RHOU: variants seen among roughly 807,000 people sequenced by gnomAD.
The protein encoded by RHOU is rho-related GTP-binding protein RhoU.
In RHOU, 8 loss-of-function variants were observed where a neutral mutation model predicts 12.6. That is an observed-to-expected ratio of 0.64 (90% CI 0.37 to 1.15). The LOEUF (loss-of-function observed/expected upper bound fraction) is 1.15, where lower values mean the gene tolerates loss of function less well. Ranked by LOEUF, RHOU falls within the 50% of genes most tolerant of loss-of-function variation. RHOU has a pLI of 0.01. For synonymous variants in RHOU, 161 were observed against 147.4 expected (o/e 1.09, Z -0.67); for missense variants, 258 against 347.0 (o/e 0.74, Z 2.04).
chr1:228,707,220 T>TATATATACATATATATATAC, the RHOU span, among the ~76,000 whole-genome samples: 218 of 105,560 alleles, frequency 2.1e-3, 6 homozygotes, highest in African/African-American at 0.01. Context: ...TATATATACA[T>TATATATACATATATATATAC]ATATATATAC....
At chr1:228,739,676 C>T (rs147735194) in intron 2 of RHOU, among the ~76,000 whole-genome samples, 1 of 152,340 alleles carries the variant, frequency 6.6e-6, no homozygotes, top group Non-Finnish European at 1.5e-5. Context: ...AGTCCAAAGG[C>T]ACAGTTAGCA....
At chr1:228,695,487 C>A in the RHOU span, among the ~76,000 whole-genome samples, 1 of 152,158 alleles carries the variant, frequency 6.6e-6, no homozygotes, top group Admixed American at 6.5e-5. Context: ...CTCAGTCACA[C>A]AAGACTGCCC....
the RHOU span, among the ~76,000 whole-genome samples, chr1:228,671,239 A>G: frequency 6.6e-6 from 1 of 152,110 alleles, no homozygotes; most frequent in Admixed American, 6.5e-5. Context: ...TCCTGACCTC[A>G]GGTGATCCAC....
the RHOU span, among the ~76,000 whole-genome samples, chr1:228,678,779 G>A: frequency 6.6e-6 from 1 of 152,034 alleles, no homozygotes; most frequent in Admixed American, 6.6e-5. Flanking sequence ...TCAGGTGTGA[G>A]GAAGAAAATA....
chr1:228,696,232 T>TA, the RHOU span, among the ~76,000 whole-genome samples: 147 of 142,868 alleles, frequency 1.0e-3, no homozygotes, highest in Admixed American at 1.3e-3. Context: ...GGTATACAAT[T>TA]AAAAAAAAAA....
chr1:228,646,743 C>G, the RHOU span, among the ~76,000 whole-genome samples: 3 of 151,992 alleles, frequency 2.0e-5, no homozygotes, highest in Admixed American at 6.6e-5. Flanking sequence ...CCCCCACACA[C>G]AGACACACCC....
chr1:228,649,399 C>G, the RHOU span, among the ~76,000 whole-genome samples: 1 of 152,138 alleles, frequency 6.6e-6, no homozygotes, highest in African/African-American at 2.4e-5. Context: ...GATAACTGGT[C>G]TAAGAAACAA....
chr1:228,668,522 C>T, the RHOU span, among the ~76,000 whole-genome samples: 97 of 152,156 alleles, frequency 6.4e-4, no homozygotes, highest in African/African-American at 2.0e-3. Flanking sequence ...TAGCTGGTGT[C>T]GGAGAAATGG....
At chr1:228,659,314 G>C in the RHOU span, among the ~76,000 whole-genome samples, 3 of 150,974 alleles carry the variant, frequency 2.0e-5, no homozygotes, top group Non-Finnish European at 4.4e-5. Context: ...GGAGGCAGAG[G>C]TTGCAGTGAG....
At chr1:228,688,339 C>T in the RHOU span, among the ~76,000 whole-genome samples, 4 of 152,154 alleles carry the variant, frequency 2.6e-5, no homozygotes, top group African/African-American at 7.2e-5. Context: ...AGGTTTCCCC[C>T]GAATCCTTCC....
chr1:228,681,345 T>C, the RHOU span, among the ~76,000 whole-genome samples: 2 of 151,588 alleles, frequency 1.3e-5, no homozygotes, highest in African/African-American at 4.9e-5. Flanking sequence ...TGAAGAAGAG[T>C]TGGAGCCTGA....
the RHOU span, among the ~76,000 whole-genome samples, chr1:228,672,444 C>T: frequency 1.8e-4 from 27 of 152,046 alleles, no homozygotes; most frequent in East Asian, 1.9e-4. Flanking sequence ...ATTACAGGCA[C>T]GAGCCACTGT....
At chr1:228,663,567 A>G in the RHOU span, among the ~76,000 whole-genome samples, 1 of 146,154 alleles carries the variant, frequency 6.8e-6, no homozygotes, top group East Asian at 2.0e-4. Context: ...CATAGCTGAC[A>G]TTATTTTTCT....
the RHOU span, among the ~76,000 whole-genome samples, chr1:228,726,943 C>T: frequency 6.6e-6 from 1 of 152,172 alleles, no homozygotes; most frequent in Non-Finnish European, 1.5e-5. Flanking sequence ...TTGATTGCAT[C>T]CCCATCCAGA....
chr1:228,740,239 C>T (rs1244644718), intron 2 of RHOU, among the ~76,000 whole-genome samples: 1 of 152,172 alleles, frequency 6.6e-6, no homozygotes, highest in African/African-American at 2.4e-5. Context: ...TTTGGTGCTA[C>T]ATTTGTAAGT....
upstream of RHOU, among the ~76,000 whole-genome samples, chr1:228,731,149 T>G (rs372961619): frequency 1.9e-3 from 293 of 152,246 alleles, 1 homozygote; most frequent in African/African-American, 6.7e-3. Context: ...GAACTGGGGA[T>G]CCTCCCTTTT....
the RHOU span, among the ~76,000 whole-genome samples, chr1:228,674,428 C>T: frequency 6.7e-6 from 1 of 149,720 alleles, no homozygotes; most frequent in African/African-American, 2.5e-5. Context: ...CTCACTGCAA[C>T]CTCTGCCTCC....
chr1:228,707,096 A>G, the RHOU span, among the ~76,000 whole-genome samples: 1 of 112,952 alleles, frequency 8.9e-6, no homozygotes. Context: ...TTTAGGACAT[A>G]TATACATACA....
At chr1:228,742,981 T>C (rs1029306215) in intron 2 of RHOU, among the ~76,000 whole-genome samples, 1 of 152,208 alleles carries the variant, frequency 6.6e-6, no homozygotes, top group African/African-American at 2.4e-5. Flanking sequence ...AGAACCCACC[T>C]ACTTTGAGCA....
Sources: gnomAD v4.1 joint callset for allele counts (sites outside exome capture counted in the v4.1 genomes callset) on GRCh38, gnomAD v4.1.1 for gene constraint, MANE v1.5 for transcripts, NCBI Gene and HGNC (gene_info 2026-07-23, HGNC 2026-07-21) for gene names.